The following DOK6 variants were observed in gnomAD, a reference collection of about 807,000 sequenced individuals.
DOK6 encodes the protein docking protein 6.
DOK6 carries 22 observed loss-of-function variants against 44.0 expected under a neutral mutation model. That is an observed-to-expected ratio of 0.50 (90% confidence interval 0.36 to 0.71). The LOEUF (loss-of-function observed/expected upper bound fraction) is 0.71, where lower values mean the gene tolerates loss of function less well. Ranked by LOEUF, DOK6 falls within the 30% of genes least tolerant of loss-of-function variation. DOK6 has a pLI of 0.00. For missense variants in DOK6, 340 were observed against 416.4 expected (o/e 0.82, Z 1.60); for synonymous variants, 166 against 145.5 (o/e 1.14, Z -1.01).
At chr18:69,594,716 C>T (rs1490952891) in intron 2 of DOK6, among the ~76,000 whole-genome samples, 1 of 151,744 alleles carries the variant, frequency 6.6e-6, no homozygotes, top group African/African-American at 2.4e-5. Context: ...TGGCCTCACA[C>T]AGTGGATCAC....
chr18:69,719,263 A>G (rs1174120678), intron 5 of DOK6, among the ~76,000 whole-genome samples: 1 of 152,184 alleles, frequency 6.6e-6, no homozygotes, highest in African/African-American at 2.4e-5. Flanking sequence ...GGGGATAAAA[A>G]TCATAGGAGT....
At chr18:69,804,349 G>A (rs773843616) in intron 7 of DOK6, among the ~76,000 whole-genome samples, 15 of 152,172 alleles carry the variant, frequency 9.9e-5, no homozygotes, top group Non-Finnish European at 1.6e-4. Context: ...TTGTGCTGTT[G>A]AGGTTTAGAA....
intron 3 of DOK6, among the ~76,000 whole-genome samples, chr18:69,607,201 C>T (rs1984022469): frequency 6.6e-6 from 1 of 152,350 alleles, no homozygotes; most frequent in Middle Eastern, 3.4e-3. Context: ...AGCCAACCCC[C>T]TTACCCCCAG....
chr18:69,431,189 A>C (rs1411043365), intron 1 of DOK6, among the ~76,000 whole-genome samples: 6 of 152,180 alleles, frequency 3.9e-5, no homozygotes, highest in Non-Finnish European at 8.8e-5. Context: ...AATGTAAATA[A>C]AACAGTATTT....
chr18:69,452,141 A>C (rs1381924085), intron 1 of DOK6, among the ~76,000 whole-genome samples: 2 of 152,110 alleles, frequency 1.3e-5, no homozygotes, highest in Non-Finnish European at 2.9e-5. Context: ...TTTGGAAAGG[A>C]TCAACAAAAT....
At chr18:69,804,604 C>G (rs11874919) in intron 7 of DOK6, among the ~76,000 whole-genome samples, 79,625 of 152,008 alleles carry the variant, frequency 0.52, 24,856 homozygotes, top group East Asian at 0.68. Flanking sequence ...CATGTATTAA[C>G]AAAATTGTTA....
intron 4 of DOK6, among the ~76,000 whole-genome samples, chr18:69,693,588 G>A (rs1986317395): frequency 6.6e-6 from 1 of 152,026 alleles, no homozygotes; most frequent in South Asian, 2.1e-4. Flanking sequence ...TCTTACAAAA[G>A]GGAAATTATC....
rs149089792 is a variant in DOK6, at chr18:69,420,173, G to T, written c.66+18863G>T. ...ACATTGCTGTTTTGGAGGGAAGAGA[G>T]TTTGTTTTAAAGGCTATCTAAATTA... On this transcript the variant is annotated intron_variant, in intron 1 of 7. Transcript: ENST00000382713. Among the ~76,000 whole-genome samples, 162 of 151,986 alleles carry T rather than the reference G, an allele frequency of 1.1e-3. 1 individual carries two copies. The highest frequency in any genetic ancestry group is 3.7e-3 in the African/African-American group (152 of 41,466).
chr18:69,691,959 C>T (rs1376865236), intron 4 of DOK6, among the ~76,000 whole-genome samples: 2 of 152,004 alleles, frequency 1.3e-5, no homozygotes, highest in African/African-American at 4.8e-5. Context: ...TCAAAGAGAG[C>T]GGTAGCATTT....
At chr18:69,719,104 G>A (rs540015149) in intron 5 of DOK6, among the ~76,000 whole-genome samples, 1 of 152,286 alleles carries the variant, frequency 6.6e-6, no homozygotes, top group South Asian at 2.1e-4. Context: ...CAGTGGTGTT[G>A]CAACAGAGAA....
intron 1 of DOK6, among the ~76,000 whole-genome samples, chr18:69,563,446 A>G (rs1350704827): frequency 7.2e-5 from 11 of 152,210 alleles, no homozygotes; most frequent in Admixed American, 1.3e-4. Flanking sequence ...TATGGCACAT[A>G]TACACCATGG....
chr18:69,681,026 G>T (rs1986032003), intron 4 of DOK6, among the ~76,000 whole-genome samples: 1 of 152,070 alleles, frequency 6.6e-6, no homozygotes, highest in African/African-American at 2.4e-5. Context: ...AATATATATA[G>T]ATTGAATAAT....
intron 1 of DOK6, among the ~76,000 whole-genome samples, chr18:69,491,072 T>G (rs1207540817): frequency 6.6e-6 from 1 of 152,208 alleles, no homozygotes; most frequent in Non-Finnish European, 1.5e-5. Context: ...GTTATCTACA[T>G]TATCTGCAAT....
At chr18:69,741,705 C>T (rs903597431) in intron 6 of DOK6, among the ~76,000 whole-genome samples, 3 of 152,018 alleles carry the variant, frequency 2.0e-5, no homozygotes, top group Non-Finnish European at 4.4e-5. Context: ...CTGTGTTGCC[C>T]AGGCTGGTGT....
intron 1 of DOK6, among the ~76,000 whole-genome samples, chr18:69,490,012 G>A (rs1357345646): frequency 6.6e-6 from 1 of 151,928 alleles, no homozygotes; most frequent in East Asian, 1.9e-4. Flanking sequence ...AGGCTGCCAT[G>A]TCATAGTTTT....
At chr18:69,758,017 G>T in intron 7 of DOK6, 144 bp downstream of exon 7, 1 of 694,768 alleles carries the variant, frequency 1.4e-6, no homozygotes, top group Non-Finnish European at 2.5e-6. Flanking sequence ...TGGGAGCTCT[G>T]AGATTTACAG....
chr18:69,824,261 G>C (rs1276838784), intron 7 of DOK6, among the ~76,000 whole-genome samples: 1 of 133,482 alleles, frequency 7.5e-6, no homozygotes, highest in Non-Finnish European at 1.5e-5. Context: ...TGTTCTCATT[G>C]TTTAATTCCC....
intron 2 of DOK6, among the ~76,000 whole-genome samples, chr18:69,574,818 G>A (rs1033735069): frequency 2.0e-5 from 3 of 152,006 alleles, no homozygotes; most frequent in African/African-American, 4.8e-5. Context: ...CATTTTTGTG[G>A]TGTCATAGCC....
chr18:69,629,751 C>T (rs1984646349), intron 3 of DOK6, among the ~76,000 whole-genome samples: 1 of 152,084 alleles, frequency 6.6e-6, no homozygotes, highest in Admixed American at 6.6e-5. Flanking sequence ...CAACACAAAC[C>T]CTCCTTCAGC....
Sources: gnomAD v4.1 joint callset for allele counts (sites outside exome capture counted in the v4.1 genomes callset) on GRCh38, gnomAD v4.1.1 for gene constraint, MANE v1.5 for transcripts, NCBI Gene and HGNC (gene_info 2026-07-23, HGNC 2026-07-21) for gene names.